HDDC2: variants seen among roughly 807,000 people sequenced by gnomAD.
The protein encoded by HDDC2 is HD domain containing 2.
In HDDC2, 25 loss-of-function variants were observed where a neutral mutation model predicts 25.5. The observed-to-expected ratio is 0.98, with a 90% CI of 0.72 to 1.37. The LOEUF is 1.37. Among genes scored for constraint, HDDC2 ranks in the 40% most tolerant of loss-of-function variants. The pLI is 0.00. For synonymous variants in HDDC2, 106 were observed against 89.7 expected (o/e 1.18, Z -1.03); for missense variants, 264 against 253.1 (o/e 1.04, Z -0.29).
In HDDC2 at chr6:125,277,137, G is replaced by C; in HGVS notation, c.482C>G (p.Pro161Arg). The C allele has an allele frequency of 2.5e-6, 4 of 1,614,064 alleles. No individual in the cohort carries two copies. Among genetic ancestry groups the C allele is most frequent in the Non-Finnish European group, 3.4e-6 (4 of 1,179,974 alleles). The part of the protein sequence containing the change: ...ASEYEDLEHK[P>R]GRLQDFYDST... ...ATCATAGAAGTCTTGCAGTCTCCCA[G>C]GTTTGTGTTCAAGGTCTTCATATTC... The change falls in exon 5 of 6, where the codon CCT (proline) becomes CGT (arginine). Residue 161 changes from proline (P) to arginine (R), a missense_variant. By Grantham distance (103) the Pro-to-Arg change is moderately radical. Coordinates refer to ENST00000398153, the MANE Select transcript of HDDC2 (RefSeq NM_016063.3).
intron 4 of HDDC2, among the ~76,000 whole-genome samples, chr6:125,290,386 T>C (rs1435522325): frequency 6.6e-6 from 1 of 152,232 alleles, no homozygotes; most frequent in African/African-American, 2.4e-5. Flanking sequence ...TATTTGAACC[T>C]TGGAAGTCTG....
At position 125,301,482 on chromosome 6, in the gene HDDC2, G is replaced by GCACACACACGCGCGCACACA. The variant is rs1412473241; in HGVS notation, c.84+366_84+367insTGTGTGCGCGCGTGTGTGTG. ...ACACACACGAGTTCTGGGGTCGTGAGCACACACACACACACACACACACAC... is the reference window on the plus strand; with the variant it reads ...ACACACACGAGTTCTGGGGTCGTGAGCACACACACGCGCGCACACACACACACACACACACACACACACAC... On this transcript the variant is annotated intron_variant, in intron 1 of 5. Coordinates refer to ENST00000398153, the MANE Select transcript of HDDC2 (RefSeq NM_016063.3). Among the ~76,000 whole-genome samples, 42 of 120,344 alleles carry GCACACACACGCGCGCACACA rather than the reference G, an allele frequency of 3.5e-4. 1 individual carries two copies. The highest frequency in any genetic ancestry group is 1.3e-3 in the African/African-American group (40 of 29,656). 79.0% of individuals were successfully genotyped at this position (120,344 alleles called of 152,430 possible). A position where few individuals can be genotyped will look rare whatever the true frequency, so the allele number is the denominator to read the frequency against.
intron 4 of HDDC2, among the ~76,000 whole-genome samples, chr6:125,289,858 G>A (rs546158038): frequency 6.6e-5 from 10 of 152,350 alleles, no homozygotes; most frequent in East Asian, 1.9e-4. Flanking sequence ...CTCCCCTCAC[G>A]CCTTGGGGCT....
chr6:125,300,263 C>T, intron 2 of HDDC2: 2 of 388,170 alleles, frequency 5.2e-6, no homozygotes, highest in South Asian at 3.8e-5. Context: ...GAATTTTAGA[C>T]ATAACACACT....
chr6:125,280,983 C>G (rs143951417), intron 4 of HDDC2, among the ~76,000 whole-genome samples: 4,692 of 152,314 alleles, frequency 0.031, 216 homozygotes, highest in African/African-American at 0.11. Flanking sequence ...GGGTGCCCCT[C>G]TGGGACGAAG....
intron 3 of HDDC2, among the ~76,000 whole-genome samples, chr6:125,295,951 T>C (rs913286626): frequency 2.0e-5 from 3 of 152,178 alleles, no homozygotes; most frequent in Non-Finnish European, 4.4e-5. Flanking sequence ...ACTACAAGTA[T>C]TGCTTTTGGC....
At chr6:125,288,173 A>G (rs1798571018) in intron 4 of HDDC2, among the ~76,000 whole-genome samples, 1 of 152,234 alleles carries the variant, frequency 6.6e-6, no homozygotes, top group Admixed American at 6.5e-5. Context: ...CTATGTTCTC[A>G]AAGAAGGAAG....
intron 4 of HDDC2, among the ~76,000 whole-genome samples, chr6:125,291,318 G>A (rs1210925027): frequency 6.6e-6 from 1 of 152,144 alleles, no homozygotes. Context: ...ATTATTCAAC[G>A]AGATAGGTAT....
At chr6:125,292,272 A>G (rs777567393) in intron 4 of HDDC2, among the ~76,000 whole-genome samples, 5 of 152,146 alleles carry the variant, frequency 3.3e-5, no homozygotes, top group Non-Finnish European at 5.9e-5. Context: ...GCAATGGGAA[A>G]CAACAGCTGA....
intron 4 of HDDC2, among the ~76,000 whole-genome samples, chr6:125,280,440 G>A (rs946425344): frequency 7.9e-5 from 12 of 152,180 alleles, no homozygotes; most frequent in African/African-American, 2.9e-4. Context: ...AAGTGGTCTT[G>A]ATCAGTGGAT....
intron 3 of HDDC2, chr6:125,297,470 T>A (rs180717491): frequency 7.5e-5 from 30 of 398,442 alleles, no homozygotes; most frequent in Non-Finnish European, 1.2e-4. Flanking sequence ...TCGTTCCTTG[T>A]GGCTCTTCTT....
chr6:125,283,274 C>T (rs1312325692), intron 4 of HDDC2, among the ~76,000 whole-genome samples: 1 of 152,210 alleles, frequency 6.6e-6, no homozygotes, highest in Admixed American at 6.5e-5. Flanking sequence ...GATGCCCTCT[C>T]TCACCACTCC....
At position 125,298,599 on chromosome 6, in the gene HDDC2, ACT is replaced by A. The variant is rs1798743720; in HGVS notation, c.309+113_309+114del. The A allele has an allele frequency of 8.0e-6, 6 of 752,632 alleles. No individual in the cohort carries two copies. The Admixed American group carries it at 1.2e-4, about 15-fold the overall frequency. 46.6% of individuals were successfully genotyped at this position (752,632 alleles called of 1,614,324 possible). A position where few individuals can be genotyped will look rare whatever the true frequency, so the allele number is the denominator to read the frequency against. On this transcript the variant is annotated intron_variant, in intron 3 of 5. Transcript: ENST00000398153. The stretch of plus-strand genomic sequence containing the variant: ...CTGACCTTCCCCTTCCTAAGACACT[ACT>A]AAGACTATCAAGGCGGTATTCTCCC...
chr6:125,295,810 C>A (rs1798698815), intron 3 of HDDC2, among the ~76,000 whole-genome samples: 1 of 152,112 alleles, frequency 6.6e-6, no homozygotes, highest in African/African-American at 2.4e-5. Flanking sequence ...TATGACCTGC[C>A]ACCATTATAT....
chr6:125,282,735 CA>C (rs1798476891), intron 4 of HDDC2, among the ~76,000 whole-genome samples: 2 of 151,790 alleles, frequency 1.3e-5, no homozygotes, highest in Non-Finnish European at 2.9e-5. Context: ...TGGATAGAGT[CA>C]AGACCCATTA....
Position 125,275,944 on chromosome 6 carries a change from T to A in HDDC2, c.*202A>T. ...CAGGCACTGCCACCTCCAGTGTTCA[T>A]CCATGGCACTTTCATGACCGCTTCC... On this transcript the variant is annotated 3_prime_UTR_variant, in exon 6 of 6. Transcript: ENST00000398153. 1.7e-6 allele frequency: 1 copy of A among 571,900 alleles called. No individual in the cohort carries two copies. 35.4% of individuals were successfully genotyped at this position (571,900 alleles called of 1,614,324 possible). A position where few individuals can be genotyped will look rare whatever the true frequency, so the allele number is the denominator to read the frequency against.
intron 2 of HDDC2, among the ~76,000 whole-genome samples, chr6:125,299,961 C>T (rs1798770597): frequency 6.6e-6 from 1 of 152,206 alleles, no homozygotes; most frequent in Admixed American, 6.5e-5. Context: ...GTGATCTCCC[C>T]TGCTCTTACA....
intron 2 of HDDC2, 74 bp downstream of exon 2, chr6:125,300,464 G>A: frequency 1.3e-6 from 2 of 1,528,412 alleles, no homozygotes; most frequent in South Asian, 1.3e-5. Flanking sequence ...TTTGACATGG[G>A]TCTCAGTAGT....
intron 4 of HDDC2, among the ~76,000 whole-genome samples, chr6:125,283,478 C>T (rs368812215): frequency 2.6e-5 from 4 of 152,128 alleles, no homozygotes; most frequent in South Asian, 4.1e-4. Flanking sequence ...CCTCAGGATA[C>T]AAAATCAATG....
Sources: allele counts gnomAD v4.1 joint callset (sites outside exome capture counted in the v4.1 genomes callset), GRCh38; gene constraint gnomAD v4.1.1; transcripts MANE v1.5; gene names NCBI Gene and HGNC (gene_info 2026-07-23, HGNC 2026-07-21).